Variants in CHST8 observed in about 807,000 individuals in gnomAD.
The protein encoded by CHST8 is GALNAC-4-ST1.
Under a neutral mutation model 15.0 loss-of-function variants are expected in CHST8, and 10 were observed. That is an observed-to-expected ratio of 0.67 (90% CI 0.41 to 1.13). The LOEUF (loss-of-function observed/expected upper bound fraction) is 1.13. Ranked by LOEUF, CHST8 falls within the 50% of genes most tolerant of loss-of-function variation. CHST8 has a pLI of 0.00. For synonymous variants in CHST8, 259 were observed against 256.6 expected, an observed-to-expected ratio of 1.01 and a Z score of -0.09; for missense variants, 634 against 608.2, an observed-to-expected ratio of 1.04 and a Z score of -0.45.
intron 3 of CHST8, among the ~76,000 whole-genome samples, chr19:33,761,037 A>G (rs1301744658): frequency 2.6e-5 from 4 of 152,224 alleles, no homozygotes; most frequent in African/African-American, 9.6e-5. Context: ...GGTGTACTGC[A>G]AAGTGGAGGC....
chr19:33,641,034 G>T (rs1362483498), intron 1 of CHST8, among the ~76,000 whole-genome samples: 1 of 152,196 alleles, frequency 6.6e-6, no homozygotes, highest in African/African-American at 2.4e-5. Context: ...ATTTGGGACT[G>T]CCCTGAAGGT....
intron 3 of CHST8, among the ~76,000 whole-genome samples, chr19:33,724,123 G>T (rs1973849664): frequency 6.6e-6 from 1 of 152,190 alleles, no homozygotes; most frequent in African/African-American, 2.4e-5. Flanking sequence ...CCCCACATGG[G>T]TGCTGTGCAG....
At chr19:33,667,993 G>A (rs1600248368) in intron 2 of CHST8, 150 bp downstream of exon 2, 1 of 152,046 alleles carries the variant, frequency 6.6e-6, no homozygotes, top group Admixed American at 6.5e-5. Flanking sequence ...GAAAAATATC[G>A]GCTGTTTTTA....
intron 3 of CHST8, among the ~76,000 whole-genome samples, chr19:33,757,442 G>GAAAT (rs1353042849): frequency 4.1e-5 from 1 of 24,340 alleles, no homozygotes; most frequent in African/African-American, 1.5e-4. Context: ...AAGAAAGAAA[G>GAAAT]AAAGAAAGAA....
chr19:33,761,079 G>A lies in CHST8; in HGVS notation c.131-10334G>A, dbSNP rs576335294. ...GTTGGTCTTGCTGTCAACATCCCAC[G>A]TGGGAAGCAGAGACAGGGCAAGCCA... On this transcript the variant is annotated intron_variant, in intron 3 of 4. Coordinates refer to ENST00000650847, the MANE Select transcript of CHST8 (RefSeq NM_001127895.2). 2.0e-4 allele frequency among the ~76,000 whole-genome samples: 31 copies of A among 152,346 alleles called. No homozygotes were observed. In the South Asian group the frequency reaches 2.5e-3, roughly 12 times the overall value.
intron 2 of CHST8, among the ~76,000 whole-genome samples, chr19:33,679,043 G>A (rs1158917456): frequency 6.6e-6 from 1 of 152,246 alleles, no homozygotes; most frequent in Admixed American, 6.5e-5. Flanking sequence ...CAGCCACAGG[G>A]AGAGAGATTC....
chr19:33,733,739 A>G (rs1974034055), intron 3 of CHST8, among the ~76,000 whole-genome samples: 1 of 152,216 alleles, frequency 6.6e-6, no homozygotes, highest in Non-Finnish European at 1.5e-5. Context: ...CAGATAGATT[A>G]TTGCAGGCCC....
Position 33,772,566 on chromosome 19 carries a change from C to A in CHST8, c.778C>A (p.Pro260Thr). ...CACCAAGATGCTCTTTGTCCGCGAG[C>A]CCTTCGAGAGGCTGGTGTCCGCCTT... is the stretch of plus-strand genomic sequence containing the variant. ...TYTKMLFVRE[P>T]FERLVSAFRD... Residue 260 changes from proline (P) to threonine (T), a missense_variant, in exon 5 of 5, where the codon CCC becomes ACC. Pro to Thr is a conservative substitution (Grantham distance 38, BLOSUM62 -1). Coordinates refer to ENST00000650847, the MANE Select transcript of CHST8 (RefSeq NM_001127895.2). The A allele has an allele frequency of 1.9e-6, 3 of 1,614,126 alleles. No homozygotes were observed. The highest frequency in any genetic ancestry group is 2.5e-6 in the Non-Finnish European group (3 of 1,180,040).
rs560796781 is a variant in CHST8, at chr19:33,718,756, G to T, written c.130+29365G>T. ...GGCTTCTCCCCAAGAAGAGGTCAGA[G>T]CCGCAGCCTGCGGAGGAGGGTGTTG... On this transcript the variant is annotated intron_variant, in intron 3 of 4. Transcript: ENST00000650847. Among the ~76,000 whole-genome samples, 44 of 152,364 alleles carry T rather than the reference G, an allele frequency of 2.9e-4. No individual in the cohort carries two copies. In the South Asian group the frequency reaches 9.1e-3, roughly 32 times the overall value.
At chr19:33,691,056 G>A (rs1217565903) in intron 3 of CHST8, among the ~76,000 whole-genome samples, 1 of 152,170 alleles carries the variant, frequency 6.6e-6, no homozygotes, top group Non-Finnish European at 1.5e-5. Flanking sequence ...TGGACCCATC[G>A]GTGGGACACT....
intron 1 of CHST8, among the ~76,000 whole-genome samples, chr19:33,649,460 GA>G (rs781032680): frequency 6.6e-6 from 1 of 152,156 alleles, no homozygotes; most frequent in Non-Finnish European, 1.5e-5. Context: ...CCTGAAAACC[GA>G]AAGCAAGCAC....
At chr19:33,734,168 A>T (rs1974041121) in intron 3 of CHST8, among the ~76,000 whole-genome samples, 1 of 151,910 alleles carries the variant, frequency 6.6e-6, no homozygotes, top group Non-Finnish European at 1.5e-5. Context: ...ACCCACCAAA[A>T]CCAATGGCCA....
At chr19:33,741,534 C>T (rs1336134653) in intron 3 of CHST8, among the ~76,000 whole-genome samples, 1 of 152,152 alleles carries the variant, frequency 6.6e-6, no homozygotes, top group Admixed American at 6.5e-5. Context: ...AGCAAATATA[C>T]CATCATCCCA....
intron 3 of CHST8, among the ~76,000 whole-genome samples, chr19:33,690,127 T>C (rs1410798429): frequency 6.6e-6 from 1 of 151,862 alleles, no homozygotes; most frequent in African/African-American, 2.4e-5. Flanking sequence ...ACTCTCTGCT[T>C]TGGAGGGAGA....
intron 3 of CHST8, among the ~76,000 whole-genome samples, chr19:33,726,035 T>G (rs924239715): frequency 1.3e-5 from 2 of 152,210 alleles, no homozygotes; most frequent in Non-Finnish European, 2.9e-5. Context: ...AGGGGCTTCT[T>G]GCATTCTCCC....
intron 2 of CHST8, among the ~76,000 whole-genome samples, chr19:33,684,294 CA>C (rs1238246391): frequency 1.3e-5 from 2 of 152,078 alleles, no homozygotes; most frequent in Admixed American, 1.3e-4. Flanking sequence ...TGCCTTGTAA[CA>C]GGGCAGCGGA....
At chr19:33,640,635 A>G (rs543159728) in intron 1 of CHST8, among the ~76,000 whole-genome samples, 2 of 152,250 alleles carry the variant, frequency 1.3e-5, no homozygotes, top group Non-Finnish European at 2.9e-5. Context: ...TTTTTATGTT[A>G]TTACAAAATT....
intron 3 of CHST8, among the ~76,000 whole-genome samples, chr19:33,745,616 C>T (rs977380780): frequency 6.6e-6 from 1 of 152,202 alleles, no homozygotes; most frequent in Non-Finnish European, 1.5e-5. Flanking sequence ...GAGGTGCCCT[C>T]TGATCAACAC....
Position 33,658,854 on chromosome 19 carries a change from T to C in CHST8, c.-163-8913T>C, listed in dbSNP as rs147960873. On this transcript the variant is annotated intron_variant, in intron 1 of 4. Coordinates refer to ENST00000650847, the MANE Select transcript of CHST8 (RefSeq NM_001127895.2). ...TCTTCTTTTAGGACTCCATATTAGA[T>C]GAATGGGGTGCTTTTTAACAATTGC... Among the ~76,000 whole-genome samples, 936 of 152,240 alleles carry C rather than the reference T, an allele frequency of 6.1e-3. 17 individuals carry two copies. The highest frequency in any genetic ancestry group is 9.1e-3 in the Non-Finnish European group (617 of 68,018).
Sources: gnomAD v4.1 joint callset for allele counts (sites outside exome capture counted in the v4.1 genomes callset) on GRCh38, gnomAD v4.1.1 for gene constraint, MANE v1.5 for transcripts, NCBI Gene and HGNC (gene_info 2026-07-23, HGNC 2026-07-21) for gene names.